IDO2: variants seen among roughly 807,000 people sequenced by gnomAD.
IDO2 encodes indoleamine 2,3-dioxygenase-like 1 protein.
A neutral mutation model predicts 45.1 loss-of-function variants in IDO2; 46 were observed. The ratio of observed to expected loss-of-function variants is 1.02; its 90% CI spans 0.80 to 1.30. The LOEUF (loss-of-function observed/expected upper bound fraction) is 1.30. Among genes scored for constraint, IDO2 ranks in the 50% most tolerant of loss-of-function variants. The probability of loss-of-function intolerance (pLI) is 0.00; values close to 1 mark genes in which losing one functional copy is unlikely to be tolerated. For missense variants in IDO2, 544 were observed against 491.8 expected (o/e 1.11, Z -1.00); for synonymous variants, 218 against 184.9 (o/e 1.18, Z -1.45).
chr8:39,970,598 G>A (rs1408320928), intron 3 of IDO2, among the ~76,000 whole-genome samples: 1 of 151,980 alleles, frequency 6.6e-6, no homozygotes, highest in Non-Finnish European at 1.5e-5. Flanking sequence ...CACCACATTG[G>A]CCAGGCTGGT....
At chr8:39,993,092 G>A (rs935861319) in intron 8 of IDO2, among the ~76,000 whole-genome samples, 1 of 152,128 alleles carries the variant, frequency 6.6e-6, no homozygotes, top group Non-Finnish European at 1.5e-5. Context: ...CCTGCCGCCT[G>A]TCAACCGTGC....
chr8:40,009,261 C>T (rs900551327), intron 9 of IDO2, among the ~76,000 whole-genome samples: 4 of 152,150 alleles, frequency 2.6e-5, no homozygotes, highest in African/African-American at 7.2e-5. Flanking sequence ...GTGATCTGCC[C>T]ACCTTGGTCC....
chr8:39,956,868 C>T (rs1219934070), intron 2 of IDO2, among the ~76,000 whole-genome samples: 3 of 151,206 alleles, frequency 2.0e-5, no homozygotes, highest in Non-Finnish European at 4.4e-5. Flanking sequence ...AACATGGTGA[C>T]ACTGTCTCTA....
exon 9 of IDO2, chr8:40,005,368 T>G: frequency 6.4e-7 from 1 of 1,570,474 alleles, no homozygotes; most frequent in Non-Finnish European, 8.7e-7. Context: ...CATCCGGATC[T>G]TTCTCTCTGG....
intron 10 of IDO2, among the ~76,000 whole-genome samples, chr8:40,014,798 GC>G (rs1413591514): frequency 6.6e-6 from 1 of 152,132 alleles, no homozygotes; most frequent in African/African-American, 2.4e-5. Context: ...AAACAAAAGG[GC>G]CAAGGTAGAT....
chr8:39,988,045 C>T (rs1780984203), intron 7 of IDO2, 75 bp downstream of exon 7: 1 of 806,304 alleles, frequency 1.2e-6, no homozygotes, highest in Non-Finnish European at 2.1e-6. Context: ...GCCTTTCCTG[C>T]AGTGGATTTC....
chr8:40,004,520 A>G (rs1350848734), intron 8 of IDO2, among the ~76,000 whole-genome samples: 1 of 123,260 alleles, frequency 8.1e-6, no homozygotes, highest in Non-Finnish European at 1.7e-5. Context: ...GATTAGACAG[A>G]CAGATGATAG....
At chr8:39,943,459 C>T (rs562507639) in intron 1 of IDO2, among the ~76,000 whole-genome samples, 12 of 149,496 alleles carry the variant, frequency 8.0e-5, no homozygotes, top group Non-Finnish European at 1.5e-4. Context: ...TATAGCTGGC[C>T]GGGCGCGGTG....
intron 8 of IDO2, among the ~76,000 whole-genome samples, chr8:39,995,870 C>T (rs887268887): frequency 6.6e-6 from 1 of 152,142 alleles, no homozygotes; most frequent in African/African-American, 2.4e-5. Context: ...GCTCCTTGGT[C>T]TAGCGGTAAC....
At chr8:39,972,401 G>C (rs1221886436) in intron 3 of IDO2, among the ~76,000 whole-genome samples, 2 of 152,068 alleles carry the variant, frequency 1.3e-5, no homozygotes, top group Non-Finnish European at 1.5e-5. Context: ...TTGAGGTTGA[G>C]TTTGAGACCA....
intron 3 of IDO2, among the ~76,000 whole-genome samples, chr8:39,977,696 C>T (rs754888609): frequency 1.8e-4 from 28 of 152,290 alleles, no homozygotes; most frequent in Non-Finnish European, 2.4e-4. Context: ...CAAAACAAAA[C>T]GAAACAAAAC....
At chr8:39,986,633 G>A (rs995158226) in intron 6 of IDO2, among the ~76,000 whole-genome samples, 1 of 151,896 alleles carries the variant, frequency 6.6e-6, no homozygotes, top group Non-Finnish European at 1.5e-5. Context: ...TGATTCCTCT[G>A]TAACAGCCTT....
At chr8:40,013,576 A>G in exon 10 of IDO2, 2 of 1,613,068 alleles carry the variant, frequency 1.2e-6, no homozygotes, top group African/African-American at 1.3e-5. Context: ...TGGAAAGACA[A>G]CCCAGCAATG....
chr8:39,990,223 C>T (rs781780916), intron 8 of IDO2, among the ~76,000 whole-genome samples: 2 of 152,128 alleles, frequency 1.3e-5, no homozygotes, highest in Non-Finnish European at 2.9e-5. Context: ...TGTAATGCCC[C>T]TTTTATTCTA....
chr8:39,958,659 C>A (rs1549048), intron 2 of IDO2, among the ~76,000 whole-genome samples: 58,462 of 152,046 alleles, frequency 0.38, 12,388 homozygotes, highest in Non-Finnish European at 0.48. Context: ...CCATGATGGC[C>A]AGGCTCGTCT....
intron 5 of IDO2, chr8:39,985,199 G>T (rs1808406186): frequency 5.0e-6 from 2 of 403,724 alleles, no homozygotes; most frequent in Non-Finnish European, 8.9e-6. Flanking sequence ...AAAGTGCTAG[G>T]ATTACAGGCA....
chr8:40,013,860 C>A, intron 10 of IDO2, 147 bp downstream of exon 10: 2 of 602,640 alleles, frequency 3.3e-6, no homozygotes, highest in Non-Finnish European at 5.4e-6. Flanking sequence ...GCATGACTGC[C>A]AATGTTTTTG....
intron 3 of IDO2, among the ~76,000 whole-genome samples, chr8:39,972,103 C>A (rs987803011): frequency 1.3e-5 from 2 of 152,308 alleles, no homozygotes; most frequent in Non-Finnish European, 2.9e-5. Flanking sequence ...GGCCAACACC[C>A]CGGCTGCATG....
intron 8 of IDO2, among the ~76,000 whole-genome samples, chr8:40,002,632 A>G (rs1290122241): frequency 6.6e-6 from 1 of 152,076 alleles, no homozygotes; most frequent in East Asian, 1.9e-4. Flanking sequence ...CTAAAAATAC[A>G]AAAATTAGCT....
Sources: allele counts gnomAD v4.1 joint callset (sites outside exome capture counted in the v4.1 genomes callset), GRCh38; gene constraint gnomAD v4.1.1; transcripts MANE v1.5; gene names NCBI Gene and HGNC (gene_info 2026-07-23, HGNC 2026-07-21).